ADGB: variants seen among roughly 807,000 people sequenced by gnomAD.
The protein encoded by ADGB is calpain-7-like protein.
In ADGB, 172 loss-of-function variants were observed where a neutral mutation model predicts 210.5. The ratio of observed to expected loss-of-function variants is 0.82; its 90% CI spans 0.72 to 0.93. The LOEUF (loss-of-function observed/expected upper bound fraction) is 0.93. Among genes scored for constraint, ADGB ranks in the 40% least tolerant of loss-of-function variants. ADGB has a pLI of 0.00. For synonymous variants in ADGB, 658 were observed against 662.7 expected, an observed-to-expected ratio of 0.99 and a Z score of 0.11; for missense variants, 2,025 against 1,964.8, an observed-to-expected ratio of 1.03 and a Z score of -0.58.
chr6:146,686,008 A>G (rs1012280743), intron 10 of ADGB, among the ~76,000 whole-genome samples, 180 bp downstream of exon 10: 1 of 152,108 alleles, frequency 6.6e-6, no homozygotes. Context: ...CACATCCAAA[A>G]TTATCTTAGA....
chr6:146,743,902 G>A (rs1302107837), intron 25 of ADGB, among the ~76,000 whole-genome samples: 11 of 145,312 alleles, frequency 7.6e-5, no homozygotes, highest in Non-Finnish European at 1.2e-4. Flanking sequence ...TGACAAGAGC[G>A]AAACTCCATC....
chr6:146,751,798 A>T (rs1777326859), intron 26 of ADGB, among the ~76,000 whole-genome samples: 1 of 152,046 alleles, frequency 6.6e-6, no homozygotes, highest in Admixed American at 6.6e-5. Context: ...GTCTGTTTAT[A>T]TCCTTTGTAG....
At chr6:146,760,402 T>C (rs910901061) in intron 27 of ADGB, among the ~76,000 whole-genome samples, 6 of 151,732 alleles carry the variant, frequency 4.0e-5, no homozygotes, top group Admixed American at 6.6e-5. Flanking sequence ...ATAATGTTTT[T>C]AAGTTATATC....
At chr6:146,689,556 T>TA (rs909197897) in intron 10 of ADGB, among the ~76,000 whole-genome samples, 34 of 151,004 alleles carry the variant, frequency 2.3e-4, no homozygotes, top group African/African-American at 6.1e-4. Context: ...CTCTACGGTC[T>TA]AAAAAAAAAG....
chr6:146,681,195 A>T (rs2045067162), intron 9 of ADGB, among the ~76,000 whole-genome samples: 1 of 152,144 alleles, frequency 6.6e-6, no homozygotes, highest in Admixed American at 6.6e-5. Context: ...CTGAAGGCAG[A>T]TCCCTCATGG....
At chr6:146,599,865 G>T (rs1780527475) in intron 1 of ADGB, among the ~76,000 whole-genome samples, 1 of 152,160 alleles carries the variant, frequency 6.6e-6, no homozygotes, top group Admixed American at 6.5e-5. Flanking sequence ...CACTGTGAGA[G>T]AATCCCAGCT....
At chr6:146,713,290 T>C (rs1007320526) in intron 13 of ADGB, among the ~76,000 whole-genome samples, 1 of 152,214 alleles carries the variant, frequency 6.6e-6, no homozygotes, top group African/African-American at 2.4e-5. Flanking sequence ...GTGGAATTGC[T>C]GGATATGGTA....
At position 146,654,184 on chromosome 6, in the gene ADGB, A is replaced by G; in HGVS notation, c.380A>G (p.Asn127Ser). The G allele has an allele frequency of 6.5e-7, 1 of 1,545,962 alleles. No individual in the cohort carries two copies. The highest frequency in any genetic ancestry group is 2.0e-5 in the Admixed American group (1 of 50,946). Residue 127 changes from asparagine to serine, a missense_variant, in exon 4 of 36, where the codon AAT (asparagine) becomes AGT (serine). Transcript: ENST00000397944. Reference sequence around the variant, plus strand: ...ATCACGTTTGACTTATTTTCAGCAAATGAACATTTACTCTGCAGCGAGGTA... The same window carrying G: ...ATCACGTTTGACTTATTTTCAGCAAGTGAACATTTACTCTGCAGCGAGGTA... The part of the protein sequence containing the change: ...NEITFDLFSA[N>S]EHLLCSELMR...
At chr6:146,652,482 AC>A (rs1200614224) in intron 3 of ADGB, among the ~76,000 whole-genome samples, 1 of 152,162 alleles carries the variant, frequency 6.6e-6, no homozygotes, top group African/African-American at 2.4e-5. Flanking sequence ...TGACAGTGTT[AC>A]TTTTCCTAAA....
At position 146,664,250 on chromosome 6, in the gene ADGB, A is replaced by G. The variant is rs1775905813; in HGVS notation, c.662A>G (p.Asp221Gly). 2.6e-6 allele frequency: 4 copies of G among 1,549,430 alleles called. No homozygotes were observed. Among genetic ancestry groups the G allele is most frequent in the Admixed American group, 3.9e-5 (2 of 50,806 alleles). The change falls in exon 6 of 36, where the codon GAT becomes GGT. Residue 221 changes from aspartate (D) to glycine (G), a missense_variant. By Grantham distance (94) the Asp-to-Gly change is moderately conservative. Coordinates refer to ENST00000397944, the MANE Select transcript of ADGB (RefSeq NM_024694.4). ...TIDDFLPFDE[D>G]NNLLLPATTY... Reference sequence around the variant, plus strand: ...GATGACTTTTTGCCTTTTGATGAAGATAACAATCTATTGCTTCCAGCTACA... The same window carrying G: ...GATGACTTTTTGCCTTTTGATGAAGGTAACAATCTATTGCTTCCAGCTACA...
chr6:146,600,298 T>C, intron 1 of ADGB: 1 of 212,764 alleles, frequency 4.7e-6, no homozygotes, highest in Non-Finnish European at 1.0e-5. Flanking sequence ...AAGTCAGGTC[T>C]TTTCAGCGTT....
chr6:146,797,190 A>G (rs761873973), intron 33 of ADGB, among the ~76,000 whole-genome samples: 5 of 152,128 alleles, frequency 3.3e-5, no homozygotes, highest in African/African-American at 4.8e-5. Context: ...CAAAAAAACA[A>G]AAAGTAATAG....
In ADGB at chr6:146,635,414, T is replaced by C; in HGVS notation, c.114T>C (p.Thr38=). 6.5e-7 allele frequency: 1 copy of C among 1,547,046 alleles called. No individual in the cohort carries two copies. Among genetic ancestry groups the C allele is most frequent in the Non-Finnish European group, 8.7e-7 (1 of 1,144,604 alleles). ...GCAGTAATGTACAATCTGGTTCTAC[T>C]GAACAAAAGAAGGGGAAATTCCCAC... ...PFGSNVQSGS[T]EQKKGKFPLW... is the part of the protein sequence containing the mutation. Residue 38 remains threonine, a synonymous_variant, in exon 2 of 36, where the codon ACT becomes ACC. Transcript: ENST00000397944.
rs149743815 is a variant in ADGB at position 146,672,186 on chromosome 6, G to A, written c.840-34G>A. ...AAGTTCAAGGAAAAAAAAAAACATC[G>A]TTTGGAAATTAATGTTTTTGTCTTT... is the stretch of plus-strand genomic sequence containing the variant. On this transcript the variant is annotated intron_variant, in intron 7 of 35. Transcript: ENST00000397944. 2.7e-4 allele frequency: 385 copies of A among 1,441,564 alleles called. No homozygotes were observed. In the African/African-American group the frequency reaches 4.0e-3, roughly 15 times the overall value. The allele number at this position is 1,441,564 out of a possible 1,614,324, so 89.3% of individuals were successfully genotyped here. A position where few individuals can be genotyped will look rare whatever the true frequency, so the allele number is the denominator to read the frequency against.
chr6:146,750,774 C>A (rs943488838), intron 26 of ADGB, among the ~76,000 whole-genome samples: 1 of 151,986 alleles, frequency 6.6e-6, no homozygotes, highest in African/African-American at 2.4e-5. Context: ...AAGAGGTTTC[C>A]AAACTATTGG....
chr6:146,647,956 A>G (rs573350969), intron 3 of ADGB, among the ~76,000 whole-genome samples: 2 of 152,208 alleles, frequency 1.3e-5, no homozygotes, highest in African/African-American at 4.8e-5. Context: ...TTAAAAATAT[A>G]TATAGTCAAC....
At chr6:146,668,904 C>T (rs923688141) in intron 7 of ADGB, among the ~76,000 whole-genome samples, 3 of 152,086 alleles carry the variant, frequency 2.0e-5, no homozygotes, top group African/African-American at 4.8e-5. Context: ...CTTGTTGGCA[C>T]GTGTCTCTGA....
chr6:146,751,475 T>C (rs949649401), intron 26 of ADGB, among the ~76,000 whole-genome samples: 1 of 152,126 alleles, frequency 6.6e-6, no homozygotes, highest in African/African-American at 2.4e-5. Flanking sequence ...GAATGATTTA[T>C]GTTTCTCTGG....
In ADGB at chr6:146,768,469, T is replaced by A. The variant is rs147350970; in HGVS notation, c.3751-551T>A. Among the ~76,000 whole-genome samples the A allele has an allele frequency of 2.4e-3, 363 of 152,206 alleles. 1 individual carries two copies. Among genetic ancestry groups the A allele is most frequent in the African/African-American group, 8.2e-3 (340 of 41,552 alleles). On this transcript the variant is annotated intron_variant, in intron 28 of 35. Coordinates refer to ENST00000397944, the MANE Select transcript of ADGB (RefSeq NM_024694.4). ...TTCATATAGAATAGAGGCAACACCA[T>A]AAACCAATGAAGAAAAGATGGACTA...
Sources: gnomAD v4.1 joint callset for allele counts (sites outside exome capture counted in the v4.1 genomes callset) on GRCh38, gnomAD v4.1.1 for gene constraint, MANE v1.5 for transcripts, NCBI Gene and HGNC (gene_info 2026-07-23, HGNC 2026-07-21) for gene names.